The following FAM20B variants were observed in gnomAD, a reference collection of about 807,000 sequenced individuals.
FAM20B encodes the protein FAM20B glycosaminoglycan xylosylkinase.
Under a neutral mutation model 43.8 loss-of-function variants are expected in FAM20B, and 23 were observed. The observed-to-expected ratio is 0.53, with a 90% CI of 0.38 to 0.74. FAM20B has a LOEUF of 0.74. FAM20B is among the 30% of genes least tolerant of loss of function. FAM20B has a pLI of 0.00. For synonymous variants in FAM20B, 178 were observed against 192.4 expected, an observed-to-expected ratio of 0.93 and a Z score of 0.62; for missense variants, 440 against 510.5, an observed-to-expected ratio of 0.86 and a Z score of 1.33.
intron 1 of FAM20B, chr1:179,035,721 G>A (rs1413767559): frequency 3.2e-6 from 1 of 315,688 alleles, no homozygotes; most frequent in Non-Finnish European, 6.0e-6. Context: ...CTTTTTTTCT[G>A]TGGAATCTAT....
chr1:179,057,244 C>T (rs1177158346), intron 4 of FAM20B, among the ~76,000 whole-genome samples: 1 of 152,072 alleles, frequency 6.6e-6, no homozygotes, highest in Non-Finnish European at 1.5e-5. Flanking sequence ...ACTTGGGAGA[C>T]TGAGGCAGGA....
chr1:179,047,007 G>C (rs575673331), intron 2 of FAM20B, among the ~76,000 whole-genome samples: 5 of 152,112 alleles, frequency 3.3e-5, no homozygotes, highest in African/African-American at 9.7e-5. Context: ...AAAAAAAAGA[G>C]ATCCTCATCA....
At chr1:179,026,271 C>G (rs1350449219) in intron 1 of FAM20B, among the ~76,000 whole-genome samples, 173 bp downstream of exon 1, 1 of 151,340 alleles carries the variant, frequency 6.6e-6, no homozygotes, top group Non-Finnish European at 1.5e-5. Flanking sequence ...CTGAGCCGTC[C>G]CCGAGTGGCT....
chr1:179,040,681 C>T (rs1296141063), intron 1 of FAM20B, among the ~76,000 whole-genome samples: 1 of 125,632 alleles, frequency 8.0e-6, no homozygotes, highest in Non-Finnish European at 1.8e-5. Flanking sequence ...ACCTCCCTCC[C>T]GGACGGGGCG....
intron 2 of FAM20B, among the ~76,000 whole-genome samples, chr1:179,048,912 T>G (rs1045262903): frequency 6.6e-6 from 1 of 152,204 alleles, no homozygotes; most frequent in Non-Finnish European, 1.5e-5. Flanking sequence ...TATAGTACTG[T>G]TTTCCACTTC....
At chr1:179,066,993 C>T in intron 7 of FAM20B, 134 bp downstream of exon 7, 1 of 642,814 alleles carries the variant, frequency 1.6e-6, no homozygotes, top group Non-Finnish European at 2.8e-6. Context: ...CAACCTAGAA[C>T]CTCTGGACAT....
At chr1:179,049,154 A>C (rs1186628449) in intron 2 of FAM20B, among the ~76,000 whole-genome samples, 2 of 152,260 alleles carry the variant, frequency 1.3e-5, no homozygotes, top group African/African-American at 4.8e-5. Flanking sequence ...AGAAAGAAAT[A>C]TGCCAGTCTT....
chr1:179,020,321 T>C, the FAM20B span, among the ~76,000 whole-genome samples: 1 of 152,172 alleles, frequency 6.6e-6, no homozygotes, highest in Non-Finnish European at 1.5e-5. Flanking sequence ...AGCCACAGGC[T>C]TCTGTATGTC....
chr1:179,046,688 G>T (rs1011969684), intron 2 of FAM20B, among the ~76,000 whole-genome samples: 2 of 150,678 alleles, frequency 1.3e-5, no homozygotes, highest in East Asian at 4.0e-4. Context: ...GAGATGAGTT[G>T]TGAGCATTTT....
intron 3 of FAM20B, among the ~76,000 whole-genome samples, 187 bp downstream of exon 3, chr1:179,050,552 T>G (rs1650962747): frequency 6.6e-6 from 1 of 152,240 alleles, no homozygotes; most frequent in South Asian, 2.1e-4. Context: ...CCAGGAATAC[T>G]GAAGTATTTT....
chr1:179,061,075 A>AT (rs1557877193), intron 4 of FAM20B, among the ~76,000 whole-genome samples: 10 of 107,106 alleles, frequency 9.3e-5, no homozygotes, highest in South Asian at 6.3e-4. Context: ...CTCTTTGTCG[A>AT]ATTTTTTTTT....
In FAM20B at chr1:179,055,184, CT is replaced by C. The variant is rs1004103057; in HGVS notation, c.574+547del. ...GTGCCTGGAACTGGCTATGTTGCCC[CT>C]GGCCTCTGTTTTCCATTATCTTAAC... is the stretch of plus-strand genomic sequence containing the variant. On this transcript the variant is annotated intron_variant, in intron 4 of 7. Coordinates refer to ENST00000263733, the MANE Select transcript of FAM20B (RefSeq NM_014864.4). Among the ~76,000 whole-genome samples the C allele has an allele frequency of 2.6e-5, 4 of 152,176 alleles. No individual in the cohort carries two copies. In the South Asian group the frequency reaches 6.2e-4, roughly 24 times the overall value.
chr1:179,019,797 C>A, the FAM20B span, among the ~76,000 whole-genome samples: 1 of 152,280 alleles, frequency 6.6e-6, no homozygotes, highest in Admixed American at 6.5e-5. Flanking sequence ...GGTGAAAATA[C>A]CAGCCTGGTA....
intron 4 of FAM20B, among the ~76,000 whole-genome samples, chr1:179,055,161 G>A (rs1469298846): frequency 6.6e-6 from 1 of 152,148 alleles, no homozygotes; most frequent in Non-Finnish European, 1.5e-5. Context: ...AACTCATTGT[G>A]CCTGGAACTG....
At chr1:179,052,388 A>T (rs1007446809) in intron 3 of FAM20B, among the ~76,000 whole-genome samples, 2 of 152,050 alleles carry the variant, frequency 1.3e-5, no homozygotes, top group Non-Finnish European at 2.9e-5. Flanking sequence ...AAAAGATAAT[A>T]CTTTATTGGG....
At chr1:179,029,735 T>A (rs1460247647) in intron 1 of FAM20B, among the ~76,000 whole-genome samples, 1 of 152,200 alleles carries the variant, frequency 6.6e-6, no homozygotes, top group Non-Finnish European at 1.5e-5. Context: ...GGCAGTGAAG[T>A]CTATCATTCC....
chr1:179,058,478 A>G (rs1403698370), intron 4 of FAM20B, among the ~76,000 whole-genome samples: 1 of 152,166 alleles, frequency 6.6e-6, no homozygotes, highest in Non-Finnish European at 1.5e-5. Flanking sequence ...ATGAGCAATG[A>G]GAGAAGAGCA....
chr1:179,038,411 C>CA (rs34979873), intron 1 of FAM20B, among the ~76,000 whole-genome samples: 84,668 of 132,680 alleles, frequency 0.64, 26,374 homozygotes, highest in African/African-American at 0.77. Context: ...AACTGCATCT[C>CA]AAAAAAAAAA....
In FAM20B at chr1:179,026,090, G is replaced by A. The variant is rs1333953237; in HGVS notation, c.-142G>A. On this transcript the variant is annotated 5_prime_UTR_variant, in exon 1 of 8. Coordinates refer to ENST00000263733, the MANE Select transcript of FAM20B (RefSeq NM_014864.4). ...CGGGCGGCCATGGAGCGAGCCTAGG[G>A]CCCGACAGGTGAGTGGCGCGGGGGC... The A allele has an allele frequency of 7.0e-6, 1 of 143,258 alleles. No individual in the cohort carries two copies. Among genetic ancestry groups the A allele is most frequent in the Non-Finnish European group, 1.5e-5 (1 of 64,564 alleles). The allele number at this position is 143,258 out of a possible 1,614,324, so 8.9% of individuals were successfully genotyped here.
Sources: allele counts gnomAD v4.1 joint callset (sites outside exome capture counted in the v4.1 genomes callset), GRCh38; gene constraint gnomAD v4.1.1; transcripts MANE v1.5; gene names NCBI Gene and HGNC (gene_info 2026-07-23, HGNC 2026-07-21).